Variants in CSMD1 observed in about 807,000 individuals in gnomAD.
The protein encoded by CSMD1 is CUB and Sushi multiple domains 1, also known as CUB and sushi domain-containing protein 1.
In CSMD1, 213 loss-of-function variants were observed where a neutral mutation model predicts 417.5. That is an observed-to-expected ratio of 0.51 (90% CI 0.46 to 0.57). CSMD1 has a LOEUF of 0.57. Ranked by LOEUF, CSMD1 falls within the 20% of genes least tolerant of loss-of-function variation. CSMD1 has a pLI of 0.00. For missense variants in CSMD1, 6,923 were observed against 4,529.7 expected, an observed-to-expected ratio of 1.53 and a Z score of -15.17; for synonymous variants, 2,862 against 1,736.8, an observed-to-expected ratio of 1.65 and a Z score of -16.11.
chr8:3,450,460 C>G (rs943563516), intron 12 of CSMD1, among the ~76,000 whole-genome samples: 1 of 151,418 alleles, frequency 6.6e-6, no homozygotes. Flanking sequence ...ATCCCTCCCC[C>G]CTCCCCACAC....
At chr8:3,974,982 G>A (rs1813335069) in intron 5 of CSMD1, among the ~76,000 whole-genome samples, 1 of 152,102 alleles carries the variant, frequency 6.6e-6, no homozygotes, top group South Asian at 2.1e-4. Context: ...TTTTCCCTAT[G>A]TGGAATGCTT....
chr8:3,355,366 T>C (rs1170356846), intron 21 of CSMD1, among the ~76,000 whole-genome samples: 1 of 152,208 alleles, frequency 6.6e-6, no homozygotes, highest in Non-Finnish European at 1.5e-5. Flanking sequence ...ATATATACTC[T>C]CTAACTTTGC....
intron 57 of CSMD1, among the ~76,000 whole-genome samples, chr8:2,972,853 T>G (rs1804576249): frequency 1.3e-5 from 2 of 152,140 alleles, no homozygotes; most frequent in Non-Finnish European, 2.9e-5. Context: ...ACATATAGAT[T>G]ATCACTGGGA....
At chr8:3,235,275 CA>C (rs1327714590) in intron 26 of CSMD1, among the ~76,000 whole-genome samples, 3 of 152,004 alleles carry the variant, frequency 2.0e-5, no homozygotes, top group Non-Finnish European at 4.4e-5. Flanking sequence ...TTTTTAAAAC[CA>C]AGATGTTTTC....
chr8:3,720,367 G>C (rs1049212805), intron 6 of CSMD1, among the ~76,000 whole-genome samples: 2 of 152,186 alleles, frequency 1.3e-5, no homozygotes, highest in Admixed American at 6.5e-5. Context: ...TACTGCTTCT[G>C]CCTTTTCTAT....
At chr8:3,838,236 G>A (rs1434034398) in intron 5 of CSMD1, among the ~76,000 whole-genome samples, 1 of 151,952 alleles carries the variant, frequency 6.6e-6, no homozygotes, top group Admixed American at 6.6e-5. Context: ...AGTACAACCT[G>A]CAGTCAGAAA....
At chr8:4,397,267 C>G (rs73177356) in intron 3 of CSMD1, among the ~76,000 whole-genome samples, 28,950 of 152,016 alleles carry the variant, frequency 0.19, 3,420 homozygotes, top group East Asian at 0.34. Flanking sequence ...TTCATAAAAA[C>G]TGAGCATTAG....
At chr8:3,129,948 T>G (rs1208499336) in intron 41 of CSMD1, among the ~76,000 whole-genome samples, 2 of 151,954 alleles carry the variant, frequency 1.3e-5, no homozygotes, top group Non-Finnish European at 2.9e-5. Context: ...GCCACTGCAC[T>G]CCAGCCTAAA....
At chr8:4,887,098 A>G (rs1254788386) in intron 1 of CSMD1, among the ~76,000 whole-genome samples, 1 of 151,992 alleles carries the variant, frequency 6.6e-6, no homozygotes, top group African/African-American at 2.4e-5. Context: ...CTTCTTTTAT[A>G]TATAAACATT....
chr8:3,236,688 C>T (rs570694061), intron 26 of CSMD1, among the ~76,000 whole-genome samples: 4 of 152,288 alleles, frequency 2.6e-5, no homozygotes, highest in African/African-American at 9.6e-5. Context: ...TCTTCCAGGG[C>T]TGTATTCTTT....
At chr8:4,918,048 T>C (rs1388633813) in intron 1 of CSMD1, among the ~76,000 whole-genome samples, 1 of 152,136 alleles carries the variant, frequency 6.6e-6, no homozygotes. Context: ...GACTTTGTGA[T>C]GTTTAAAGTC....
intron 10 of CSMD1, among the ~76,000 whole-genome samples, chr8:3,564,058 T>C (rs888107762): frequency 7.2e-5 from 11 of 152,200 alleles, no homozygotes; most frequent in African/African-American, 2.7e-4. Flanking sequence ...GTACACGTGA[T>C]ATTTTGGTAC....
At position 4,146,593 on chromosome 8, in the gene CSMD1, C is replaced by CT. The variant is rs1208930261; in HGVS notation, c.416-114495_416-114494insA. ...ATCTGTCTAAATGTTTATATGGACA[C>CT]ATTTTTTTTTTTTTTTTTTTTTTTT... is the stretch of plus-strand genomic sequence containing the variant. On this transcript the variant is annotated intron_variant, in intron 3 of 69. Transcript: ENST00000635120. Among the ~76,000 whole-genome samples the CT allele has an allele frequency of 4.8e-4, 44 of 90,762 alleles. 8 individuals are homozygous for CT. The highest frequency in any genetic ancestry group is 1.1e-3 in the South Asian group (3 of 2,782). 59.5% of individuals were successfully genotyped at this position (90,762 alleles called of 152,430 possible).
chr8:3,629,785 C>A (rs1217643729), intron 7 of CSMD1, among the ~76,000 whole-genome samples: 1 of 152,154 alleles, frequency 6.6e-6, no homozygotes, highest in African/African-American at 2.4e-5. Flanking sequence ...AGATTACTTG[C>A]ACAGTATAAG....
intron 21 of CSMD1, among the ~76,000 whole-genome samples, chr8:3,355,208 C>G (rs1319565425): frequency 6.6e-6 from 1 of 151,744 alleles, no homozygotes; most frequent in Non-Finnish European, 1.5e-5. Flanking sequence ...TTAAAAAAAT[C>G]TCTTACTAGA....
chr8:3,247,324 C>A (rs1453438208), intron 26 of CSMD1, among the ~76,000 whole-genome samples: 3 of 152,220 alleles, frequency 2.0e-5, no homozygotes, highest in African/African-American at 7.2e-5. Context: ...TGGACGCAGA[C>A]TCCTCCTGCT....
intron 1 of CSMD1, among the ~76,000 whole-genome samples, chr8:4,671,451 A>T (rs1459774637): frequency 6.6e-6 from 1 of 152,232 alleles, no homozygotes; most frequent in Middle Eastern, 3.2e-3. Flanking sequence ...GTTTATTGTG[A>T]TAATTCTGGA....
At chr8:4,041,315 C>T (rs2130636636) in intron 3 of CSMD1, among the ~76,000 whole-genome samples, 1 of 152,282 alleles carries the variant, frequency 6.6e-6, no homozygotes, top group South Asian at 2.1e-4. Flanking sequence ...CCGCGCCTGG[C>T]CGGGCCTTTG....
chr8:4,277,914 A>AT (rs1796575313), intron 3 of CSMD1, among the ~76,000 whole-genome samples: 2 of 151,656 alleles, frequency 1.3e-5, no homozygotes. Context: ...TCCCCGGCTA[A>AT]TTTTTTTGTA....
Sources: allele counts gnomAD v4.1 joint callset (sites outside exome capture counted in the v4.1 genomes callset), GRCh38; gene constraint gnomAD v4.1.1; transcripts MANE v1.5; gene names NCBI Gene and HGNC (gene_info 2026-07-23, HGNC 2026-07-21).